Variants in CPQ observed in about 807,000 individuals in gnomAD.
CPQ encodes Ser-Met dipeptidase.
A neutral mutation model predicts 45.7 loss-of-function variants in CPQ; 37 were observed. The ratio of observed to expected loss-of-function variants is 0.81; its 90% CI spans 0.62 to 1.07. The LOEUF is 1.07. Among genes scored for constraint, CPQ ranks in the 50% least tolerant of loss-of-function variants. The pLI, the probability that CPQ is intolerant of heterozygous loss-of-function variation, is 0.00. For synonymous variants in CPQ, 186 were observed against 205.8 expected (o/e 0.90, Z 0.82); for missense variants, 537 against 572.9 (o/e 0.94, Z 0.64).
rs549892503 is a variant in CPQ, at chr8:97,000,357, GTTTTTA to G, written c.962-29044_962-29039del. On this transcript the variant is annotated intron_variant, in intron 5 of 7. Coordinates refer to ENST00000220763, the MANE Select transcript of CPQ (RefSeq NM_016134.4). ...AGTATTGCCCAGGTTGTCTTCCAGG[GTTTTTA>G]TAGTTTTGGGTTTTACATTGAAGTT... is the stretch of plus-strand genomic sequence containing the variant. Among the ~76,000 whole-genome samples, 113 of 152,106 alleles carry G rather than the reference GTTTTTA, an allele frequency of 7.4e-4. 1 individual carries two copies. Among genetic ancestry groups the G allele is most frequent in the Non-Finnish European group, 1.3e-3 (88 of 67,964 alleles).
At chr8:97,030,056 G>T (rs576365167) in intron 6 of CPQ, among the ~76,000 whole-genome samples, 9 of 152,330 alleles carry the variant, frequency 5.9e-5, no homozygotes, top group Admixed American at 5.9e-4. Flanking sequence ...GGATGGTCAT[G>T]ATTAGAAATA....
chr8:96,755,721 A>AT (rs1188968258), intron 1 of CPQ, among the ~76,000 whole-genome samples: 2 of 151,960 alleles, frequency 1.3e-5, no homozygotes, highest in Non-Finnish European at 2.9e-5. Flanking sequence ...CAATAAATTT[A>AT]TTTCCTTCTC....
At chr8:97,082,177 ATTCTCTCTCTCT>A (rs1332298115) in intron 7 of CPQ, among the ~76,000 whole-genome samples, 9 of 152,226 alleles carry the variant, frequency 5.9e-5, no homozygotes, top group Non-Finnish European at 8.8e-5. Flanking sequence ...TAGGACACAT[ATTCTCTCTCTCT>A]TTCTCTCTCT....
intron 1 of CPQ, among the ~76,000 whole-genome samples, chr8:96,681,908 G>C (rs1809157740): frequency 6.6e-6 from 1 of 152,154 alleles, no homozygotes; most frequent in African/African-American, 2.4e-5. Flanking sequence ...CATGGGGCCT[G>C]CAGCTTCTTT....
chr8:96,980,749 G>A (rs1284925742), intron 5 of CPQ, among the ~76,000 whole-genome samples: 1 of 151,792 alleles, frequency 6.6e-6, no homozygotes, highest in Non-Finnish European at 1.5e-5. Context: ...AGTTTGGCCT[G>A]GATAAGTTAA....
At chr8:97,051,742 A>G (rs796648241) in intron 6 of CPQ, among the ~76,000 whole-genome samples, 10 of 152,350 alleles carry the variant, frequency 6.6e-5, no homozygotes, top group Admixed American at 3.3e-4. Flanking sequence ...ACTGAGGCTC[A>G]GAGTAATTAA....
At chr8:96,888,016 G>T (rs923040685) in intron 4 of CPQ, among the ~76,000 whole-genome samples, 6 of 152,132 alleles carry the variant, frequency 3.9e-5, no homozygotes, top group Non-Finnish European at 8.8e-5. Context: ...TTTTCAGTGT[G>T]GGGCAGGATT....
At position 96,986,803 on chromosome 8, in the gene CPQ, G is replaced by A. The variant is rs149974561; in HGVS notation, c.961+20757G>A. ...TTATTTGGACGTTTGAATCACACAC[G>A]TCTAGCCCTTTAACTCATCTGATAT... On this transcript the variant is annotated intron_variant, in intron 5 of 7. Transcript: ENST00000220763. Among the ~76,000 whole-genome samples the A allele has an allele frequency of 2.2e-4, 33 of 152,262 alleles. No homozygotes were observed. In the East Asian group the frequency reaches 4.8e-3, roughly 22 times the overall value.
rs1205123601 is a variant in CPQ at position 97,029,444 on chromosome 8, G to A, written c.1003G>A (p.Ala335Thr). Reference sequence around the variant, plus strand: ...GACTCTGCGGCTGGTGCTCTGGACTGCAGAAGAACAAGGTGGAGTTGGTGC... The same window carrying A: ...GACTCTGCGGCTGGTGCTCTGGACTACAGAAGAACAAGGTGGAGTTGGTGC... Reference protein sequence around the residue: ...KRTLRLVLWTAEEQGGVGAFQ... With the variant: ...KRTLRLVLWTTEEQGGVGAFQ... Residue 335 changes from alanine (A) to threonine (T), a missense_variant, in exon 6 of 8, where the codon GCA becomes ACA. Coordinates refer to ENST00000220763, the MANE Select transcript of CPQ (RefSeq NM_016134.4). The A allele has an allele frequency of 3.1e-6, 5 of 1,609,564 alleles. No individual in the cohort carries two copies. The highest frequency in any genetic ancestry group is 3.4e-6 in the Non-Finnish European group (4 of 1,177,872).
At chr8:96,645,725 C>A (rs1815511013) in intron 1 of CPQ, among the ~76,000 whole-genome samples, 1 of 152,038 alleles carries the variant, frequency 6.6e-6, no homozygotes, top group Non-Finnish European at 1.5e-5. Flanking sequence ...GGTTTCACTT[C>A]CCCTCAGCTC....
intron 4 of CPQ, among the ~76,000 whole-genome samples, chr8:96,894,968 T>C (rs1812424297): frequency 6.6e-6 from 1 of 152,180 alleles, no homozygotes; most frequent in Non-Finnish European, 1.5e-5. Flanking sequence ...AACTGAATTT[T>C]TACAAAAGAG....
intron 2 of CPQ, among the ~76,000 whole-genome samples, chr8:96,798,117 A>G (rs1331463249): frequency 2.7e-5 from 4 of 149,994 alleles, no homozygotes; most frequent in East Asian, 2.0e-4. Flanking sequence ...TCTGTTTTGT[A>G]TGCTTCTCTT....
chr8:96,854,557 A>AACACAC (rs1554573254), intron 3 of CPQ, among the ~76,000 whole-genome samples: 1 of 76,866 alleles, frequency 1.3e-5, no homozygotes, highest in Non-Finnish European at 2.7e-5. Flanking sequence ...AAAAAAAAAA[A>AACACAC]AATGTGGTGG....
chr8:96,744,997 G>C (rs1283030675), intron 1 of CPQ, among the ~76,000 whole-genome samples: 1 of 152,126 alleles, frequency 6.6e-6, no homozygotes, highest in African/African-American at 2.4e-5. Flanking sequence ...TAGTGACTTA[G>C]GGTTAAATGG....
Position 96,785,151 on chromosome 8 carries a change from A to G in CPQ, c.254A>G (p.Glu85Gly). ...GPRLSGSKNL[E>G]KAIQIMYQNL... The stretch of plus-strand genomic sequence containing the variant: ...AGACTGAGTGGCTCCAAGAACCTAG[A>G]AAAAGCCATCCAAATTATGTACCAA... Residue 85 changes from glutamate (E) to glycine (G), a missense_variant, in exon 2 of 8, where the codon GAA becomes GGA. Glu to Gly is a moderately conservative substitution (Grantham distance 98). Transcript: ENST00000220763. 6.2e-7 allele frequency: 1 copy of G among 1,613,664 alleles called. No homozygotes were observed. Among genetic ancestry groups the G allele is most frequent in the African/African-American group, 1.3e-5 (1 of 75,008 alleles).
chr8:96,854,794 G>T (rs1299937448), intron 3 of CPQ, among the ~76,000 whole-genome samples: 1 of 152,244 alleles, frequency 6.6e-6, no homozygotes, highest in Middle Eastern at 3.4e-3. Context: ...TGAGACAGGA[G>T]AACTGATTGT....
intron 6 of CPQ, 104 bp downstream of exon 6, chr8:97,029,598 C>A: frequency 9.8e-7 from 1 of 1,018,002 alleles, no homozygotes; most frequent in Non-Finnish European, 1.5e-6. Flanking sequence ...GTCAACTGGC[C>A]CTAGGAAACA....
At position 96,662,037 on chromosome 8, in the gene CPQ, T is replaced by C. The variant is rs138928097; in HGVS notation, c.-35+16635T>C. ...TTTCCATTTCCCTGCTTACATATGA[T>C]GTGAAGTATCTTTTCACATGTTTAT... On this transcript the variant is annotated intron_variant, in intron 1 of 7. Coordinates refer to ENST00000220763, the MANE Select transcript of CPQ (RefSeq NM_016134.4). Among the ~76,000 whole-genome samples the C allele has an allele frequency of 2.6e-5, 4 of 152,352 alleles. No individual in the cohort carries two copies. The South Asian group carries it at 8.3e-4, about 32-fold the overall frequency.
chr8:96,981,288 G>A (rs1177717992), intron 5 of CPQ, among the ~76,000 whole-genome samples: 1 of 152,122 alleles, frequency 6.6e-6, no homozygotes, highest in Admixed American at 6.5e-5. Flanking sequence ...TGAAATAATG[G>A]CATCTTTTAA....
Sources: allele counts gnomAD v4.1 joint callset (sites outside exome capture counted in the v4.1 genomes callset), GRCh38; gene constraint gnomAD v4.1.1; transcripts MANE v1.5; gene names NCBI Gene and HGNC (gene_info 2026-07-23, HGNC 2026-07-21).